HELQ: variants seen among roughly 807,000 people sequenced by gnomAD.
HELQ encodes the protein helicase, POLQ like.
A neutral mutation model predicts 111.6 loss-of-function variants in HELQ; 77 were observed. The ratio of observed to expected loss-of-function variants is 0.69; its 90% CI spans 0.57 to 0.83. The LOEUF is 0.83. HELQ is among the 40% of genes least tolerant of loss of function. The pLI is 0.00. For synonymous variants in HELQ, 438 were observed against 454.7 expected, an observed-to-expected ratio of 0.96 and a Z score of 0.47; for missense variants, 1,200 against 1,288.5, an observed-to-expected ratio of 0.93 and a Z score of 1.05.
At chr4:83,439,838 G>C (rs200787324) in intron 8 of HELQ, 25 bp downstream of exon 8, 4 of 1,396,602 alleles carry the variant, frequency 2.9e-6, no homozygotes, top group Non-Finnish European at 4.0e-6. Context: ...AAATAAAACA[G>C]GCTATTTAAA....
Position 83,453,870 on chromosome 4 carries a change from C to T in HELQ, c.373G>A (p.Asp125Asn), listed in dbSNP as rs756068153. 24 of 1,613,852 alleles carry T rather than the reference C, an allele frequency of 1.5e-5. No homozygotes were observed. The highest frequency in any genetic ancestry group is 2.2e-5 in the East Asian group (1 of 44,882). The change falls in exon 2 of 18, where the codon GAC becomes AAC. Residue 125 changes from aspartate to asparagine, a missense_variant. Asp to Asn is a conservative substitution (Grantham distance 23, BLOSUM62 1). Coordinates refer to ENST00000295488, the MANE Select transcript of HELQ (RefSeq NM_133636.5). ...TENSFIAQVD[D>N]LEQKYMQLPE... ...AGTTGCATATATTTTTGTTCCAGGT[C>T]GTCAACTTGAGCTATAAAGGAGTTT...
chr4:83,414,775 A>G (rs968556892), intron 17 of HELQ, among the ~76,000 whole-genome samples: 2 of 152,216 alleles, frequency 1.3e-5, no homozygotes, highest in Non-Finnish European at 2.9e-5. Context: ...GATAAGCATC[A>G]TGGAAATAAT....
intron 17 of HELQ, among the ~76,000 whole-genome samples, chr4:83,409,540 C>T (rs1211907236): frequency 6.7e-6 from 1 of 149,982 alleles, no homozygotes; most frequent in Non-Finnish European, 1.5e-5. Flanking sequence ...GGCAAGAGAG[C>T]GATACTCTGT....
chr4:83,453,083 A>G (rs536071382), intron 2 of HELQ, 148 bp downstream of exon 2: 3 of 592,048 alleles, frequency 5.1e-6, no homozygotes, highest in East Asian at 2.8e-5. Flanking sequence ...CAGGACAGGT[A>G]GGAATGGAAG....
chr4:83,408,572 A>G (rs1037385342), intron 17 of HELQ, among the ~76,000 whole-genome samples: 4 of 151,072 alleles, frequency 2.6e-5, no homozygotes, highest in African/African-American at 9.7e-5. Flanking sequence ...TTTTAATTAG[A>G]AAAAATTTAA....
Position 83,453,644 on chromosome 4 carries a change from G to A in HELQ, c.599C>T (p.Ala200Val). ...DLLYDVPSSQ[A>V]IYFENLQNSS... ...GTTCTGCAAATTTTCAAAGTATATA[G>A]CCTGTGAGGAAGGTACATCATACAA... The change falls in exon 2 of 18, where the codon GCT (alanine) becomes GTT (valine). Residue 200 changes from alanine to valine, a missense_variant. Ala to Val is a moderately conservative substitution (Grantham distance 64). Transcript: ENST00000295488. 6.2e-7 allele frequency: 1 copy of A among 1,613,984 alleles called. No individual in the cohort carries two copies. The highest frequency in any genetic ancestry group is 8.5e-7 in the Non-Finnish European group (1 of 1,179,934).
Position 83,437,026 on chromosome 4 carries a change from T to G in HELQ, c.1880A>C (p.Asn627Thr). The change falls in exon 9 of 18, where the codon AAC becomes ACC. Residue 627 changes from asparagine to threonine, a missense_variant. Asn to Thr is a moderately conservative substitution (Grantham distance 65). This residue lies in a region of HELQ where 585 missense variants were observed against 665.3 expected (regional missense o/e 0.88). Coordinates refer to ENST00000295488, the MANE Select transcript of HELQ (RefSeq NM_133636.5). ...AGTGCGCTTTAAAACAGGACACAGGTTGCCATTGCCAATATTCTTCAAGTT... is the reference window on the plus strand; with the variant it reads ...AGTGCGCTTTAAAACAGGACACAGGGTGCCATTGCCAATATTCTTCAAGTT... Reference protein sequence around the residue: ...IKNLKNIGNGNLCPVLKRTIP... With the variant: ...IKNLKNIGNGTLCPVLKRTIP... 1 of 1,614,042 alleles carries G rather than the reference T, an allele frequency of 6.2e-7. No individual in the cohort carries two copies. The highest frequency in any genetic ancestry group is 8.5e-7 in the Non-Finnish European group (1 of 1,179,944).
chr4:83,443,028 A>G (rs1224835618), intron 6 of HELQ, among the ~76,000 whole-genome samples: 1 of 152,152 alleles, frequency 6.6e-6, no homozygotes, highest in Non-Finnish European at 1.5e-5. Flanking sequence ...TACTTTCTTC[A>G]AGCATTTTGG....
rs183804608 is a variant in HELQ, at chr4:83,426,738, A to G, written c.2677-646T>C. On this transcript the variant is annotated intron_variant, in intron 13 of 17. Coordinates refer to ENST00000295488, the MANE Select transcript of HELQ (RefSeq NM_133636.5). ...GCCACCATGACCAACTAATTTCTGT[A>G]TTCTTTTAGAAGAGACGGGGTTTCA... 6.0e-3 allele frequency among the ~76,000 whole-genome samples: 917 copies of G among 152,094 alleles called. 5 individuals are homozygous for G. The highest frequency in any genetic ancestry group is 0.01 in the Middle Eastern group (3 of 294).
At position 83,455,528 on chromosome 4, in the gene HELQ, C is replaced by T. The variant is rs987610710; in HGVS notation, c.166G>A (p.Ala56Thr). 2 of 1,614,092 alleles carry T rather than the reference C, an allele frequency of 1.2e-6. No individual in the cohort carries two copies. Among genetic ancestry groups the T allele is most frequent in the African/African-American group, 2.7e-5 (2 of 74,934 alleles). The change falls in exon 1 of 18, where the codon GCG (alanine) becomes ACG (threonine). Residue 56 changes from alanine to threonine, a missense_variant. Ala to Thr is a moderately conservative substitution (Grantham distance 58, BLOSUM62 0). Coordinates refer to ENST00000295488, the MANE Select transcript of HELQ (RefSeq NM_133636.5). The part of the protein sequence containing the change: ...MVAENRRRKT[A>T]GVLPVEVQPL... ...TGTACCTCAACCGGCAGTACGCCCGCGGTTTTCCGCCTCCTGTTCTCAGCC... is the reference window on the plus strand; with the variant it reads ...TGTACCTCAACCGGCAGTACGCCCGTGGTTTTCCGCCTCCTGTTCTCAGCC...
intron 3 of HELQ, 139 bp downstream of exon 3, chr4:83,448,644 T>C (rs1046236463): frequency 1.5e-6 from 1 of 682,702 alleles, no homozygotes; most frequent in South Asian, 2.3e-5. Context: ...CACTCCAACC[T>C]GGGTGACAGA....
chr4:83,442,577 A>T (rs1245401214), intron 6 of HELQ, among the ~76,000 whole-genome samples: 1 of 151,088 alleles, frequency 6.6e-6, no homozygotes, highest in African/African-American at 2.5e-5. Flanking sequence ...ATGCCCTGCT[A>T]ATTTTTGTAT....
chr4:83,425,050 C>T (rs72944448), intron 14 of HELQ, among the ~76,000 whole-genome samples: 4 of 151,426 alleles, frequency 2.6e-5, no homozygotes, highest in Non-Finnish European at 5.9e-5. Flanking sequence ...GAGAACGAGG[C>T]GGGTGGATCA....
At chr4:83,444,268 T>G (rs1055259670) in intron 5 of HELQ, among the ~76,000 whole-genome samples, 1 of 152,210 alleles carries the variant, frequency 6.6e-6, no homozygotes, top group Non-Finnish European at 1.5e-5. Flanking sequence ...TCCACAGGTA[T>G]GGCTATAGAC....
intron 16 of HELQ, among the ~76,000 whole-genome samples, chr4:83,417,471 G>A (rs1403963857): frequency 6.6e-6 from 1 of 152,098 alleles, no homozygotes; most frequent in Non-Finnish European, 1.5e-5. Flanking sequence ...CCAAAGTGCT[G>A]TGATTGCAGC....
At chr4:83,447,694 A>G (rs535938740) in intron 3 of HELQ, among the ~76,000 whole-genome samples, 1 of 152,036 alleles carries the variant, frequency 6.6e-6, no homozygotes, top group South Asian at 2.1e-4. Flanking sequence ...CATCATCTCT[A>G]CCAAAAATAA....
chr4:83,427,877 G>A (rs1008600842), intron 12 of HELQ, among the ~76,000 whole-genome samples, 157 bp from the exon 13 acceptor site: 11 of 152,160 alleles, frequency 7.2e-5, no homozygotes, highest in African/African-American at 2.7e-4. Context: ...CATTTTGATA[G>A]TACTCATCAA....
chr4:83,444,119 G>A (rs1430324325), intron 5 of HELQ, among the ~76,000 whole-genome samples: 1 of 152,178 alleles, frequency 6.6e-6, no homozygotes, highest in Non-Finnish European at 1.5e-5. Flanking sequence ...CAGGTATCCT[G>A]AAAGTTACTA....
chr4:83,441,591 T>C (rs1720756515), intron 6 of HELQ, among the ~76,000 whole-genome samples, 188 bp from the exon 7 acceptor site: 1 of 152,166 alleles, frequency 6.6e-6, no homozygotes, highest in Non-Finnish European at 1.5e-5. Flanking sequence ...TGGTCTCTTT[T>C]TCCCTTAAAA....
Sources: allele counts gnomAD v4.1 joint callset (sites outside exome capture counted in the v4.1 genomes callset), GRCh38; gene constraint gnomAD v4.1.1; regional missense constraint gnomAD v4.1.1; transcripts MANE v1.5; gene names NCBI Gene and HGNC (gene_info 2026-07-23, HGNC 2026-07-21).